Variants in NRG1 observed in about 807,000 individuals in gnomAD.
NRG1 encodes neuregulin 1.
A neutral mutation model predicts 63.8 loss-of-function variants in NRG1; 18 were observed. The observed-to-expected ratio is 0.28, with a 90% confidence interval of 0.19 to 0.42. NRG1 has a LOEUF of 0.42. Ranked by LOEUF, NRG1 falls within the 10% of genes least tolerant of loss-of-function variation. The probability of loss-of-function intolerance (pLI) is 1.00; values close to 1 mark genes in which losing one functional copy is unlikely to be tolerated. For synonymous variants in NRG1, 302 were observed against 301.3 expected (o/e 1.00, Z -0.02); for missense variants, 762 against 814.7 (o/e 0.94, Z 0.79).
intron 1 of NRG1, among the ~76,000 whole-genome samples, chr8:31,678,754 TTAAA>T (rs766744408): frequency 6.8e-6 from 1 of 148,058 alleles, no homozygotes; most frequent in African/African-American, 2.5e-5. Flanking sequence ...TTATTTTAAG[TTAAA>T]TAATCAAATA....
intron 1 of NRG1, among the ~76,000 whole-genome samples, chr8:32,294,186 C>G (rs541282782): frequency 6.6e-6 from 1 of 152,162 alleles, no homozygotes; most frequent in Admixed American, 6.5e-5. Flanking sequence ...AAGTCCTCCC[C>G]CTGCTGGTTA....
intron 1 of NRG1, among the ~76,000 whole-genome samples, chr8:31,978,446 CTTG>C (rs1171981759): frequency 1.3e-5 from 2 of 152,028 alleles, no homozygotes; most frequent in African/African-American, 4.8e-5. Context: ...TCCCTGAAAA[CTTG>C]TTATTTTCTT....
At chr8:32,655,696 T>G (rs1801321187) in intron 5 of NRG1, among the ~76,000 whole-genome samples, 2 of 152,178 alleles carry the variant, frequency 1.3e-5, no homozygotes, top group South Asian at 4.1e-4. Flanking sequence ...TTAGAATACA[T>G]AGATTATTAC....
intron 1 of NRG1, chr8:32,256,365 G>A (rs894591917): frequency 1.3e-5 from 2 of 152,118 alleles, no homozygotes; most frequent in Non-Finnish European, 2.9e-5. Flanking sequence ...CTTTGGATGG[G>A]GTTTTTGTGT....
At chr8:32,723,366 C>G (rs541120681) in intron 5 of NRG1, among the ~76,000 whole-genome samples, 1 of 152,128 alleles carries the variant, frequency 6.6e-6, no homozygotes, top group Admixed American at 6.5e-5. Context: ...ATCATTATGT[C>G]TTGCACATAA....
At chr8:31,721,488 G>A (rs1011037019) in intron 1 of NRG1, among the ~76,000 whole-genome samples, 1 of 152,106 alleles carries the variant, frequency 6.6e-6, no homozygotes, top group African/African-American at 2.4e-5. Flanking sequence ...CCTTTGGTCT[G>A]TCTTATCCTT....
chr8:31,794,943 C>T (rs981590145), intron 1 of NRG1, among the ~76,000 whole-genome samples: 18 of 152,092 alleles, frequency 1.2e-4, no homozygotes, highest in African/African-American at 4.1e-4. Flanking sequence ...GCTGAGATTA[C>T]AGTCATGCGA....
rs143387357 is a variant in NRG1, at chr8:32,078,103, C to G, written c.37+438672C>G. On this transcript the variant is annotated intron_variant, in intron 1 of 10. Coordinates refer to the NRG1 transcript ENST00000519301. Reference sequence around the variant, plus strand: ...CTTCACATCCTCCTAAGCAAGTGATCGAGTTTAGATATTTGTCCCCTCCAA... The same window carrying G: ...CTTCACATCCTCCTAAGCAAGTGATGGAGTTTAGATATTTGTCCCCTCCAA... Among the ~76,000 whole-genome samples the G allele has an allele frequency of 3.9e-5, 6 of 152,260 alleles. No individual in the cohort carries two copies. The East Asian group carries it at 1.2e-3, about 29-fold the overall frequency.
intron 1 of NRG1, among the ~76,000 whole-genome samples, chr8:32,118,815 G>A (rs147392196): frequency 1.6e-4 from 25 of 152,140 alleles, no homozygotes; most frequent in Admixed American, 7.2e-4. Flanking sequence ...TTGTTTCACC[G>A]TCCTTTGAAG....
chr8:31,766,936 C>T (rs555838001), intron 1 of NRG1, among the ~76,000 whole-genome samples: 78 of 152,350 alleles, frequency 5.1e-4, no homozygotes, highest in South Asian at 1.0e-3. Flanking sequence ...ACATGGTCAT[C>T]TGAACATTCC....
intron 1 of NRG1, among the ~76,000 whole-genome samples, chr8:31,658,402 C>G (rs899085912): frequency 6.6e-6 from 1 of 152,158 alleles, no homozygotes; most frequent in African/African-American, 2.4e-5. Context: ...GTGTCTCTCT[C>G]AGATCAGTGA....
intron 1 of NRG1, among the ~76,000 whole-genome samples, chr8:31,757,811 A>G (rs549312151): frequency 9.2e-5 from 14 of 152,220 alleles, no homozygotes; most frequent in African/African-American, 2.9e-4. Flanking sequence ...AGTTCAATAA[A>G]TTTTGACAGG....
intron 1 of NRG1, among the ~76,000 whole-genome samples, chr8:31,871,635 AAAAAC>A (rs1829495840): frequency 2.0e-5 from 3 of 152,052 alleles, no homozygotes; most frequent in Non-Finnish European, 4.4e-5. Context: ...TTCTTATTTT[AAAAAC>A]AAAACAAACC....
intron 1 of NRG1, among the ~76,000 whole-genome samples, chr8:32,483,676 C>T (rs1159766055): frequency 2.6e-5 from 4 of 152,168 alleles, no homozygotes; most frequent in Non-Finnish European, 4.4e-5. Flanking sequence ...CCCACTTGAG[C>T]ATAGGTGAGC....
intron 1 of NRG1, among the ~76,000 whole-genome samples, chr8:32,253,636 A>G (rs1028214798): frequency 3.3e-5 from 5 of 152,144 alleles, no homozygotes; most frequent in Non-Finnish European, 7.4e-5. Flanking sequence ...CATCAGGGTT[A>G]TTAGCCTGGC....
intron 1 of NRG1, among the ~76,000 whole-genome samples, chr8:32,360,789 C>T (rs1807105264): frequency 6.6e-6 from 1 of 152,208 alleles, no homozygotes; most frequent in African/African-American, 2.4e-5. Context: ...GTTCCCTTAA[C>T]TATCACCAGG....
intron 1 of NRG1, among the ~76,000 whole-genome samples, chr8:32,187,576 T>C (rs1372567648): frequency 2.0e-5 from 3 of 152,136 alleles, no homozygotes; most frequent in Admixed American, 2.0e-4. Context: ...CAAGGAGACA[T>C]GTCTGTGATT....
intron 1 of NRG1, among the ~76,000 whole-genome samples, chr8:31,796,414 C>CTTTTTTTTTTTTTTTTTTT (rs1158508289): frequency 4.6e-5 from 2 of 43,376 alleles, no homozygotes; most frequent in Non-Finnish European, 8.2e-5. Context: ...GGCGTATAAT[C>CTTTTTTTTTTTTTTTTTTT]TTTTTTTTTT....
rs145278726 is a variant in NRG1 at position 31,951,827 on chromosome 8, G to T, written c.37+312396G>T. Reference sequence around the variant, plus strand: ...AAAGGAATATGGAAAATACCTTTTTGATCAAAAGCATGACATGACATAAAA... The same window carrying T: ...AAAGGAATATGGAAAATACCTTTTTTATCAAAAGCATGACATGACATAAAA... On this transcript the variant is annotated intron_variant, in intron 1 of 10. Coordinates refer to the NRG1 transcript ENST00000519301. 3.3e-3 allele frequency among the ~76,000 whole-genome samples: 503 copies of T among 152,158 alleles called. 2 individuals carry two copies. The highest frequency in any genetic ancestry group is 0.023 in the South Asian group (109 of 4,808).
Sources: allele counts gnomAD v4.1 joint callset (sites outside exome capture counted in the v4.1 genomes callset), GRCh38; gene constraint gnomAD v4.1.1; transcripts MANE v1.5; gene names NCBI Gene and HGNC (gene_info 2026-07-23, HGNC 2026-07-21).